The following EFHC2 variants were observed in gnomAD, a reference collection of about 807,000 sequenced individuals.
The protein encoded by EFHC2 is EF-hand domain containing 2.
In EFHC2, 18 loss-of-function variants were observed where a neutral mutation model predicts 52.7. That is an observed-to-expected ratio of 0.34 (90% CI 0.24 to 0.51). The LOEUF (loss-of-function observed/expected upper bound fraction) is 0.51. EFHC2 is among the 20% of genes least tolerant of loss of function. The probability of loss-of-function intolerance (pLI) is 0.97; values close to 1 mark genes in which losing one functional copy is unlikely to be tolerated. For missense variants in EFHC2, 513 were observed against 562.5 expected, an observed-to-expected ratio of 0.91 and a Z score of 0.89; for synonymous variants, 203 against 204.1, an observed-to-expected ratio of 0.99 and a Z score of 0.04.
chrX:44,236,723 G>A (rs1353396484), intron 8 of EFHC2, among the ~76,000 whole-genome samples: 4 of 111,535 alleles, frequency 3.6e-5, no homozygotes, highest in African/African-American at 1.3e-4. Context: ...GGTCTGCATG[G>A]CTGTTTTCTC....
At chrX:44,316,345 T>C (rs1366761638) in intron 1 of EFHC2, among the ~76,000 whole-genome samples, 2 of 112,114 alleles carry the variant, frequency 1.8e-5, no homozygotes, top group African/African-American at 6.5e-5. Context: ...TGAGCATCCA[T>C]TGGGTGCTAA....
intron 4 of EFHC2, among the ~76,000 whole-genome samples, chrX:44,260,300 G>T (rs1364483326): frequency 9.0e-6 from 1 of 111,288 alleles, no homozygotes; most frequent in African/African-American, 3.3e-5. Flanking sequence ...AAAGGAAAAA[G>T]GAAACAAGTG....
chrX:44,320,913 T>C (rs770362161), intron 1 of EFHC2, among the ~76,000 whole-genome samples: 49 of 111,047 alleles, frequency 4.4e-4, no homozygotes, highest in Non-Finnish European at 7.7e-4. Context: ...ACTTGAGACA[T>C]GAGGTTAAGA....
At chrX:44,214,627 G>A (rs963698914) in intron 11 of EFHC2, among the ~76,000 whole-genome samples, 4 of 112,253 alleles carry the variant, frequency 3.6e-5, no homozygotes, top group Admixed American at 9.4e-5. Flanking sequence ...GCTCTTCGAA[G>A]AGAAAGGAAT....
At chrX:44,333,420 C>T (rs138150562) in intron 1 of EFHC2, among the ~76,000 whole-genome samples, 1,611 of 110,742 alleles carry the variant, frequency 0.015, 28 homozygotes, top group African/African-American at 0.049. Context: ...TGGAAAAGTC[C>T]AAAATATACC....
chrX:44,221,165 T>G (rs1476163945), intron 11 of EFHC2, among the ~76,000 whole-genome samples: 1 of 111,835 alleles, frequency 8.9e-6, no homozygotes, highest in East Asian at 2.8e-4. Flanking sequence ...TAGGAGTTCT[T>G]AAGTACTTAA....
chrX:44,207,683 C>T (rs1377768128), intron 11 of EFHC2, among the ~76,000 whole-genome samples: 1 of 112,246 alleles, frequency 8.9e-6, no homozygotes, highest in Non-Finnish European at 1.9e-5. Context: ...AGCTTCTGCA[C>T]AGCAAAAGAA....
chrX:44,241,170 C>CA (rs1368487638), intron 8 of EFHC2, among the ~76,000 whole-genome samples: 1 of 111,536 alleles, frequency 9.0e-6, no homozygotes, highest in African/African-American at 3.3e-5. Flanking sequence ...TCACACAGGA[C>CA]TGTAACCCTT....
chrX:44,166,714 T>A (rs760578096), intron 13 of EFHC2, among the ~76,000 whole-genome samples: 1 of 111,723 alleles, frequency 9.0e-6, no homozygotes, highest in African/African-American at 3.3e-5. Flanking sequence ...GTTTCAGAAG[T>A]ATAGTATCCT....
intron 2 of EFHC2, among the ~76,000 whole-genome samples, chrX:44,273,201 T>C (rs1299465697): frequency 1.8e-5 from 2 of 112,749 alleles, no homozygotes; most frequent in East Asian, 2.8e-4. Flanking sequence ...ATAAGTTTTG[T>C]CATTTTTTTC....
intron 14 of EFHC2, among the ~76,000 whole-genome samples, chrX:44,153,535 A>G (rs1396358619): frequency 9.0e-6 from 1 of 111,706 alleles, no homozygotes; most frequent in African/African-American, 3.3e-5. Flanking sequence ...AATTTCAGGG[A>G]GATTATCACA....
At chrX:44,260,416 C>T (rs2037529520) in intron 4 of EFHC2, among the ~76,000 whole-genome samples, 1 of 111,540 alleles carries the variant, frequency 9.0e-6, no homozygotes, top group Admixed American at 9.5e-5. Flanking sequence ...TGTTCAAATT[C>T]TTCTGGAAAA....
At chrX:44,254,083 A>G (rs1403910664) in intron 4 of EFHC2, among the ~76,000 whole-genome samples, 1 of 112,450 alleles carries the variant, frequency 8.9e-6, no homozygotes, top group East Asian at 2.8e-4. Flanking sequence ...ACATCAACAA[A>G]AAGGATGTCC....
chrX:44,205,008 A>G (rs1165827422), intron 11 of EFHC2, among the ~76,000 whole-genome samples: 1 of 111,687 alleles, frequency 9.0e-6, no homozygotes, highest in East Asian at 2.8e-4. Context: ...TGTAAAGGGA[A>G]TCCCATCAGA....
chrX:44,283,222 C>G (rs1196425667), intron 2 of EFHC2, among the ~76,000 whole-genome samples: 3 of 108,687 alleles, frequency 2.8e-5, no homozygotes, highest in Non-Finnish European at 3.8e-5. Context: ...TGGCTCTGTC[C>G]CCCAGGCTGG....
At chrX:44,235,819 C>T in intron 8 of EFHC2, among the ~76,000 whole-genome samples, 1 of 112,368 alleles carries the variant, frequency 8.9e-6, no homozygotes, top group East Asian at 2.8e-4. Flanking sequence ...ACTGCCTGGG[C>T]AATCCTGGGC....
At chrX:44,334,468 CTTT>C (rs989792186) in intron 1 of EFHC2, among the ~76,000 whole-genome samples, 1 of 111,884 alleles carries the variant, frequency 8.9e-6, no homozygotes, top group Non-Finnish European at 1.9e-5. Flanking sequence ...GATTATTTGC[CTTT>C]TTGTTTGTTT....
rs1407527009 is a variant in EFHC2 at position 44,147,976 on chromosome X, T to C, written c.*819A>G. On this transcript the variant is annotated 3_prime_UTR_variant, in exon 15 of 15. Transcript: ENST00000420999. ...GAACTAGAAAAATGCAGGGGAAAAA[T>C]GTTGTAGTTTCTGAATATTTAAACC... 1 of 109,852 alleles carries C rather than the reference T, an allele frequency of 9.1e-6. No homozygotes were observed. Among genetic ancestry groups the C allele is most frequent in the African/African-American group, 3.3e-5 (1 of 30,188 alleles). 9.1% of individuals were successfully genotyped at this position (109,852 alleles called of 1,213,427 possible).
chrX:44,261,850 G>A (rs891870881), intron 3 of EFHC2, among the ~76,000 whole-genome samples: 2 of 108,435 alleles, frequency 1.8e-5, no homozygotes, highest in African/African-American at 6.8e-5. Context: ...ACTTTTGGCT[G>A]CTGTGAAGTT....
Sources: gnomAD v4.1 joint callset for allele counts (sites outside exome capture counted in the v4.1 genomes callset) on GRCh38, gnomAD v4.1.1 for gene constraint, MANE v1.5 for transcripts, NCBI Gene and HGNC (gene_info 2026-07-23, HGNC 2026-07-21) for gene names.